Variants in RIMKLA observed in about 807,000 individuals in gnomAD.
RIMKLA encodes the protein N-acetylaspartylglutamate synthase A.
A neutral mutation model predicts 32.7 loss-of-function variants in RIMKLA; 14 were observed. The ratio of observed to expected loss-of-function variants is 0.43; its 90% CI spans 0.28 to 0.67. The LOEUF is 0.67. RIMKLA is among the 30% of genes least tolerant of loss of function. The probability of loss-of-function intolerance (pLI) is 0.18; values close to 1 mark genes in which losing one functional copy is unlikely to be tolerated. For missense variants in RIMKLA, 410 were observed against 519.0 expected (o/e 0.79, Z 2.04); for synonymous variants, 176 against 204.1 (o/e 0.86, Z 1.18).
At chr1:42,381,781 TA>T (rs372195974) in intron 1 of RIMKLA, among the ~76,000 whole-genome samples, 16 of 152,290 alleles carry the variant, frequency 1.1e-4, no homozygotes, top group African/African-American at 3.8e-4. Context: ...CTTTTGTGGG[TA>T]AGACATGGTT....
At chr1:42,408,012 C>A (rs1643162128) in intron 3 of RIMKLA, among the ~76,000 whole-genome samples, 1 of 152,166 alleles carries the variant, frequency 6.6e-6, no homozygotes, top group African/African-American at 2.4e-5. Context: ...GCTGAAAATC[C>A]TACCTAATGT....
intron 1 of RIMKLA, among the ~76,000 whole-genome samples, chr1:42,387,066 C>CAAATAAAT (rs36109633): frequency 8.2e-4 from 116 of 141,372 alleles, no homozygotes; most frequent in Non-Finnish European, 1.4e-3. Context: ...GACTCCATCT[C>CAAATAAAT]AAATAAATAA....
chr1:42,385,524 T>A (rs1465634103), intron 1 of RIMKLA, among the ~76,000 whole-genome samples: 1 of 152,160 alleles, frequency 6.6e-6, no homozygotes, highest in African/African-American at 2.4e-5. Flanking sequence ...AAATTCTAGG[T>A]CAGATTCTTT....
chr1:42,417,240 T>C lies in RIMKLA; in HGVS notation c.*2266T>C, dbSNP rs983825422. The C allele has an allele frequency of 2.0e-5, 3 of 152,358 alleles. No homozygotes were observed. Among genetic ancestry groups the C allele is most frequent in the African/African-American group, 7.2e-5 (3 of 41,476 alleles). 9.4% of individuals were successfully genotyped at this position (152,358 alleles called of 1,614,324 possible). On this transcript the variant is annotated 3_prime_UTR_variant, in exon 5 of 5. Coordinates refer to ENST00000431473, the MANE Select transcript of RIMKLA (RefSeq NM_173642.4). Reference sequence around the variant, plus strand: ...ATTCCTTTGCCAAAGGAGGCCCATTTTCCAGCTGTGAGTGACATCTGTAGT... The same window carrying C: ...ATTCCTTTGCCAAAGGAGGCCCATTCTCCAGCTGTGAGTGACATCTGTAGT...
intron 1 of RIMKLA, among the ~76,000 whole-genome samples, chr1:42,393,187 A>G (rs1419677534): frequency 7.1e-6 from 1 of 139,898 alleles, no homozygotes; most frequent in Non-Finnish European, 1.5e-5. Context: ...TGAAATTACT[A>G]TCCAGAGAGA....
chr1:42,406,390 G>T (rs1023420541), intron 3 of RIMKLA, among the ~76,000 whole-genome samples: 2 of 152,112 alleles, frequency 1.3e-5, no homozygotes, highest in African/African-American at 4.8e-5. Flanking sequence ...CTCTCCCTCA[G>T]TCCCTGGCAA....
intron 1 of RIMKLA, among the ~76,000 whole-genome samples, chr1:42,394,390 CAT>C (rs1643024846): frequency 6.6e-6 from 1 of 152,190 alleles, no homozygotes; most frequent in African/African-American, 2.4e-5. Context: ...GGTGATGACT[CAT>C]TATGTATCGG....
At chr1:42,405,695 G>T (rs538873002) in intron 3 of RIMKLA, among the ~76,000 whole-genome samples, 1 of 152,182 alleles carries the variant, frequency 6.6e-6, no homozygotes, top group African/African-American at 2.4e-5. Flanking sequence ...CACTGATCTC[G>T]AGGCGCTCAA....
chr1:42,415,892 CTT>C lies in RIMKLA; in HGVS notation c.*920_*921del, dbSNP rs1643242274. 2 of 152,180 alleles carry C rather than the reference CTT, an allele frequency of 1.3e-5. No homozygotes were observed. The highest frequency in any genetic ancestry group is 1.3e-4 in the Admixed American group (2 of 15,274). The allele number at this position is 152,180 out of a possible 1,614,324, so 9.4% of individuals were successfully genotyped here. A position where few individuals can be genotyped will look rare whatever the true frequency, so the allele number is the denominator to read the frequency against. On this transcript the variant is annotated 3_prime_UTR_variant, in exon 5 of 5. Transcript: ENST00000431473. ...TCATTCTTCCCCTCCTCTACTGAAA[CTT>C]TGTGTACTGCTTAGCTGTAGGGGGT...
At chr1:42,393,520 C>T (rs908231541) in intron 1 of RIMKLA, among the ~76,000 whole-genome samples, 3 of 152,120 alleles carry the variant, frequency 2.0e-5, no homozygotes. Flanking sequence ...AAAATGGCCA[C>T]ATAAATGTCT....
chr1:42,401,924 C>T (rs1029389348), intron 2 of RIMKLA, among the ~76,000 whole-genome samples: 7 of 152,142 alleles, frequency 4.6e-5, no homozygotes, highest in African/African-American at 1.4e-4. Flanking sequence ...TGAGAAAGGG[C>T]GTCTAAAGCA....
Position 42,392,810 on chromosome 1 carries a change from G to T in RIMKLA, c.164-6594G>T, listed in dbSNP as rs577983650. On this transcript the variant is annotated intron_variant, in intron 1 of 4. Transcript: ENST00000431473. The stretch of plus-strand genomic sequence containing the variant: ...AGTTCGACACCAGCCTGGGCAATAT[G>T]GTGAAAACCCGTCTCTACAAAAAAT... 9.2e-5 allele frequency among the ~76,000 whole-genome samples: 14 copies of T among 152,236 alleles called. No homozygotes were observed. The South Asian group carries it at 2.9e-3, about 32-fold the overall frequency.
intron 3 of RIMKLA, among the ~76,000 whole-genome samples, chr1:42,406,262 A>G (rs1423173444): frequency 6.6e-6 from 1 of 152,226 alleles, no homozygotes; most frequent in Non-Finnish European, 1.5e-5. Context: ...AAAGCGTAAA[A>G]TTCACTGGAT....
At chr1:42,385,415 C>A (rs902304578) in intron 1 of RIMKLA, among the ~76,000 whole-genome samples, 6 of 152,058 alleles carry the variant, frequency 3.9e-5, no homozygotes, top group African/African-American at 1.4e-4. Context: ...ATGAGTCTGA[C>A]CTGGAAATGA....
At position 42,424,090 on chromosome 1, in the gene RIMKLA, T is replaced by C. The variant is rs1158905663; in HGVS notation, c.*9116T>C. Reference sequence around the variant, plus strand: ...TTTCTTCTGCTCTAAAGGACATTATTAAGACAACTGGTCTGTACTGTATTG... The same window carrying C: ...TTTCTTCTGCTCTAAAGGACATTATCAAGACAACTGGTCTGTACTGTATTG... On this transcript the variant is annotated 3_prime_UTR_variant, in exon 5 of 5. Transcript: ENST00000431473. Among the ~76,000 whole-genome samples, 1 of 152,178 alleles carries C rather than the reference T, an allele frequency of 6.6e-6. No homozygotes were observed. The highest frequency in any genetic ancestry group is 1.5e-5 in the Non-Finnish European group (1 of 68,022).
rs1377455296 is a variant in RIMKLA at position 42,415,181 on chromosome 1, G to A, written c.*207G>A. Reference sequence around the variant, plus strand: ...AAATATAAAAACACTCAAGAACAACGTCCCGACTGATCAGTATGAGACTGA... The same window carrying A: ...AAATATAAAAACACTCAAGAACAACATCCCGACTGATCAGTATGAGACTGA... On this transcript the variant is annotated 3_prime_UTR_variant, in exon 5 of 5. Coordinates refer to ENST00000431473, the MANE Select transcript of RIMKLA (RefSeq NM_173642.4). The A allele has an allele frequency of 1.6e-5, 9 of 573,270 alleles. No individual in the cohort carries two copies. Among genetic ancestry groups the A allele is most frequent in the Non-Finnish European group, 2.1e-5 (7 of 326,986 alleles). 35.5% of individuals were successfully genotyped at this position (573,270 alleles called of 1,614,324 possible).
intron 1 of RIMKLA, among the ~76,000 whole-genome samples, chr1:42,385,825 TTCC>T (rs748221824): frequency 1.1e-5 from 1 of 93,576 alleles, no homozygotes; most frequent in African/African-American, 3.5e-5. Context: ...CCTTCCTTCC[TTCC>T]TTTCTTTCTT....
Position 42,414,251 on chromosome 1 carries a change from TAA to T in RIMKLA, c.686-232_686-231del, listed in dbSNP as rs1404016460. 2.0e-5 allele frequency among the ~76,000 whole-genome samples: 3 copies of T among 151,974 alleles called. No homozygotes were observed. The East Asian group carries it at 5.8e-4, about 29-fold the overall frequency. ...CATAAAGCTTTTTTTCCCCCATATA[TAA>T]GATTATTTCCTTGGTAGTAGGATGG... On this transcript the variant is annotated intron_variant, in intron 4 of 4. Coordinates refer to ENST00000431473, the MANE Select transcript of RIMKLA (RefSeq NM_173642.4).
At position 42,380,813 on chromosome 1, in the gene RIMKLA, G is replaced by GC; in HGVS notation, c.-121dup. ...GGCTGCAGAGACGCCTGGCGCACCC[G>GC]CGGGAGCGGAGCCGTGGCGCGCTCG... is the stretch of plus-strand genomic sequence containing the variant. On this transcript the variant is annotated 5_prime_UTR_variant, in exon 1 of 5. Transcript: ENST00000431473. The GC allele has an allele frequency of 2.3e-6, 1 of 440,626 alleles. No individual in the cohort carries two copies. The highest frequency in any genetic ancestry group is 1.1e-4 in the East Asian group (1 of 8,996). The allele number at this position is 440,626 out of a possible 1,614,324, so 27.3% of individuals were successfully genotyped here. A position where few individuals can be genotyped will look rare whatever the true frequency, so the allele number is the denominator to read the frequency against.
Sources: allele counts gnomAD v4.1 joint callset (sites outside exome capture counted in the v4.1 genomes callset), GRCh38; gene constraint gnomAD v4.1.1; transcripts MANE v1.5; gene names NCBI Gene and HGNC (gene_info 2026-07-23, HGNC 2026-07-21).